Variants in RPL31 observed in about 807,000 individuals in gnomAD.
RPL31 encodes the protein large ribosomal subunit protein eL31.
For synonymous variants in RPL31, 51 were observed against 55.0 expected (o/e 0.93, Z 0.32); for missense variants, 95 against 164.0 (o/e 0.58, Z 2.30).
chr2:101,011,285 C>T (rs1034131198), downstream of RPL31: 62 of 755,258 alleles, frequency 8.2e-5, no homozygotes, highest in Non-Finnish European at 1.2e-4. Flanking sequence ...CAGCAACACC[C>T]CCACTAGGAG....
chr2:101,015,481 T>C (rs1679559134), intron 4 of RPL31, among the ~76,000 whole-genome samples: 1 of 152,234 alleles, frequency 6.6e-6, no homozygotes, highest in African/African-American at 2.4e-5. Flanking sequence ...TTATAAACTT[T>C]TTGACTCTTT....
intron 4 of RPL31, chr2:101,017,786 A>G: frequency 6.6e-7 from 1 of 1,512,720 alleles, no homozygotes; most frequent in Non-Finnish European, 9.0e-7. Flanking sequence ...AATCTTGACA[A>G]GCTCAGGACT....
Position 101,004,138 on chromosome 2 carries a change from C to A in RPL31, c.108-20C>A, listed in dbSNP as rs373418224. ...TAGTTTTGTGCTCCTTTAATTTGTTCACTTATGTTTGAATCGTAGGGGCTT... is the reference window on the plus strand; with the variant it reads ...TAGTTTTGTGCTCCTTTAATTTGTTAACTTATGTTTGAATCGTAGGGGCTT... On this transcript the variant is annotated intron_variant, in intron 2 of 4. Coordinates refer to ENST00000264258, the MANE Select transcript of RPL31 (RefSeq NM_000993.5). The A allele has an allele frequency of 1.2e-6, 2 of 1,609,274 alleles. No homozygotes were observed. Among genetic ancestry groups the A allele is most frequent in the East Asian group, 4.5e-5 (2 of 44,834 alleles).
chr2:101,016,594 A>C (rs1469918678), intron 4 of RPL31, among the ~76,000 whole-genome samples: 1 of 152,146 alleles, frequency 6.6e-6, no homozygotes, highest in Non-Finnish European at 1.5e-5. Flanking sequence ...AAAGGACTAT[A>C]AATCATGCTG....
chr2:101,011,371 A>T, downstream of RPL31: 1 of 1,359,986 alleles, frequency 7.4e-7, no homozygotes. Flanking sequence ...TGCTACAAGA[A>T]GAGGGATGAG....
At chr2:101,007,878 G>C (rs113291929), downstream of RPL31, 20 of 1,613,490 alleles carry the variant, frequency 1.2e-5, 1 homozygote, top group South Asian at 4.4e-5. Flanking sequence ...CAAAAGTTTT[G>C]AGATTGTACT....
At chr2:101,016,638 G>A (rs1281010611) in intron 4 of RPL31, among the ~76,000 whole-genome samples, 5 of 151,920 alleles carry the variant, frequency 3.3e-5, no homozygotes, top group South Asian at 2.1e-4. Context: ...TGTTTATTGC[G>A]GCACTATTCA....
chr2:101,006,207 C>A, intron 4 of RPL31, 136 bp downstream of exon 4: 1 of 1,508,688 alleles, frequency 6.6e-7, no homozygotes, highest in South Asian at 1.3e-5. Flanking sequence ...TGGGAAGATG[C>A]TAAAGAATGC....
At chr2:101,013,719 T>C (rs1347380778) in intron 4 of RPL31, among the ~76,000 whole-genome samples, 1 of 152,222 alleles carries the variant, frequency 6.6e-6, no homozygotes. Flanking sequence ...ACTTTCTAAA[T>C]GGGATGCCTG....
intron 4 of RPL31, among the ~76,000 whole-genome samples, chr2:101,013,754 A>AT (rs1403108006): frequency 2.0e-5 from 3 of 152,246 alleles, no homozygotes; most frequent in African/African-American, 7.2e-5. Flanking sequence ...CAGTTCCACC[A>AT]TAAGTGTCTT....
chr2:101,008,739 G>A (rs1289477570), downstream of RPL31, among the ~76,000 whole-genome samples: 1 of 151,914 alleles, frequency 6.6e-6, no homozygotes, highest in Non-Finnish European at 1.5e-5. Flanking sequence ...TTAAACCCAG[G>A]AGGCAAAGGT....
At chr2:101,007,264 C>CCAA (rs1573839414) in exon 5 of RPL31, 1 of 152,144 alleles carries the variant, frequency 6.6e-6, no homozygotes, top group African/African-American at 2.4e-5. Flanking sequence ...AACTTGGAAG[C>CCAA]CAACATTGAA....
chr2:101,013,901 C>A (rs1431113849), intron 4 of RPL31, among the ~76,000 whole-genome samples: 1 of 152,214 alleles, frequency 6.6e-6, no homozygotes, highest in Non-Finnish European at 1.5e-5. Context: ...TTCCTCTCAT[C>A]CCTCCATAGT....
At chr2:101,005,814 T>C in intron 3 of RPL31, 145 bp from the exon 4 acceptor site, 1 of 666,798 alleles carries the variant, frequency 1.5e-6, no homozygotes, top group Non-Finnish European at 2.6e-6. Context: ...ATGTTTCATT[T>C]TCCAGGGAAC....
At chr2:101,018,737 C>A (rs1478291136) in intron 4 of RPL31, among the ~76,000 whole-genome samples, 1 of 152,166 alleles carries the variant, frequency 6.6e-6, no homozygotes, top group African/African-American at 2.4e-5. Flanking sequence ...AGAAAAACCT[C>A]CAAATTGTCT....
At chr2:101,015,073 T>C (rs1238695975) in intron 4 of RPL31, among the ~76,000 whole-genome samples, 2 of 152,206 alleles carry the variant, frequency 1.3e-5, no homozygotes, top group African/African-American at 4.8e-5. Flanking sequence ...TACACGAACC[T>C]AGATGCTGTA....
chr2:101,018,912 C>T lies in RPL31; in HGVS notation c.347-86C>T, dbSNP rs1167135651. The T allele has an allele frequency of 5.9e-6, 9 of 1,531,270 alleles. No individual in the cohort carries two copies. In the Admixed American group the frequency reaches 9.7e-5, roughly 16 times the overall value. The allele number at this position is 1,531,270 out of a possible 1,614,324, so 94.9% of individuals were successfully genotyped here. ...TAGGTTTATCAATCTGCAGTGAAAA[C>T]TGTTGATGTCCTAATCTTCTGGAAT... On this transcript the variant is annotated intron_variant, in intron 4 of 4. Transcript: ENST00000409028.
chr2:101,002,679 G>A lies in RPL31; in HGVS notation c.1-23G>A, dbSNP rs1307521665. 11 of 1,583,614 alleles carry A rather than the reference G, an allele frequency of 6.9e-6. No individual in the cohort carries two copies. In the South Asian group the frequency reaches 9.9e-5, roughly 14 times the overall value. On this transcript the variant is annotated intron_variant, in intron 1 of 4. Transcript: ENST00000264258. The stretch of plus-strand genomic sequence containing the variant: ...TTGAGCTTGTTAAACTCTGCTCTGA[G>A]CCTCCTTGTCGCCTGCATTTAGATG...
chr2:101,013,371 G>T (rs1022180754), intron 4 of RPL31, among the ~76,000 whole-genome samples: 3 of 152,174 alleles, frequency 2.0e-5, no homozygotes, highest in African/African-American at 7.2e-5. Context: ...CTTTTTACAT[G>T]AGATATTTGG....
Sources: gnomAD v4.1 joint callset for allele counts (sites outside exome capture counted in the v4.1 genomes callset) on GRCh38, gnomAD v4.1.1 for gene constraint, MANE v1.5 for transcripts, NCBI Gene and HGNC (gene_info 2026-07-23, HGNC 2026-07-21) for gene names.